Variants in ST6GAL2 observed in about 807,000 individuals in gnomAD.
ST6GAL2 encodes the protein ST6 beta-galactoside alpha-2,6-sialyltransferase 2.
A neutral mutation model predicts 37.5 loss-of-function variants in ST6GAL2; 24 were observed. The ratio of observed to expected loss-of-function variants is 0.64; its 90% CI spans 0.46 to 0.90. ST6GAL2 has a LOEUF of 0.90. Ranked by LOEUF, ST6GAL2 falls within the 40% of genes least tolerant of loss-of-function variation. The probability of loss-of-function intolerance (pLI) is 0.00; values close to 1 mark genes in which losing one functional copy is unlikely to be tolerated. For missense variants in ST6GAL2, 715 were observed against 712.7 expected (o/e 1.00, Z -0.04); for synonymous variants, 306 against 295.1 (o/e 1.04, Z -0.38).
intron 5 of ST6GAL2, among the ~76,000 whole-genome samples, chr2:106,814,838 A>G (rs565838810): frequency 3.1e-4 from 47 of 152,344 alleles, no homozygotes; most frequent in Admixed American, 2.8e-3. Flanking sequence ...CACAGTCAAA[A>G]TGACTTCATT....
chr2:106,843,109 G>C lies in ST6GAL2; in HGVS notation c.869C>G (p.Pro290Arg), dbSNP rs755206333. 2 of 1,558,324 alleles carry C rather than the reference G, an allele frequency of 1.3e-6. No homozygotes were observed. The highest frequency in any genetic ancestry group is 1.7e-6 in the Non-Finnish European group (2 of 1,157,644). ...GACAGCGCAGCTGCGCAGGCCGCGGGGGTGCAGCTGGCTCAGGGGCACGGC... is the reference window on the plus strand; with the variant it reads ...GACAGCGCAGCTGCGCAGGCCGCGGCGGTGCAGCTGGCTCAGGGGCACGGC... ...VPAVPLSQLH[P>R]RGLRSCAVVM... Residue 290 changes from proline (P) to arginine (R), a missense_variant, in exon 2 of 6, where the codon CCC (proline) becomes CGC (arginine). By Grantham distance (103) the Pro-to-Arg change is moderately radical (BLOSUM62 -2). Around this residue, in one of 3 missense-constraint regions of ST6GAL2, gnomAD observed 512 missense variants for 488.8 expected, o/e 1.05. Transcript: ENST00000409382.
At chr2:106,841,278 G>C (rs1368242886) in intron 2 of ST6GAL2, 2 of 152,174 alleles carry the variant, frequency 1.3e-5, no homozygotes, top group Non-Finnish European at 2.9e-5. Context: ...ACTCTTCAAG[G>C]ACACAGAACA....
chr2:106,881,471 T>C (rs938039886), intron 1 of ST6GAL2, among the ~76,000 whole-genome samples: 5 of 152,220 alleles, frequency 3.3e-5, no homozygotes, highest in Non-Finnish European at 7.3e-5. Flanking sequence ...TTCTACCCAT[T>C]TGAGGTCAGT....
intron 1 of ST6GAL2, among the ~76,000 whole-genome samples, chr2:106,854,848 T>C (rs1430871380): frequency 6.6e-6 from 1 of 152,012 alleles, no homozygotes; most frequent in African/African-American, 2.4e-5. Context: ...TATTCTCTCA[T>C]GTTTTCATGT....
chr2:106,813,028 G>A (rs1675666484), intron 5 of ST6GAL2: 2 of 1,224,076 alleles, frequency 1.6e-6, no homozygotes, highest in Non-Finnish European at 2.0e-6. Context: ...ACGTTTTAAT[G>A]TATTTTTTCA....
chr2:106,881,030 G>C, intron 1 of ST6GAL2, among the ~76,000 whole-genome samples: 1 of 149,726 alleles, frequency 6.7e-6, no homozygotes, highest in East Asian at 1.9e-4. Flanking sequence ...CTGTCACCCA[G>C]GCTGGAGTGC....
intron 5 of ST6GAL2, among the ~76,000 whole-genome samples, chr2:106,827,283 T>C (rs930850132): frequency 1.3e-5 from 2 of 152,128 alleles, no homozygotes; most frequent in African/African-American, 4.8e-5. Context: ...TTTAAGGATG[T>C]TGGATAAGTT....
intron 5 of ST6GAL2, among the ~76,000 whole-genome samples, chr2:106,813,938 T>C (rs1675703961): frequency 1.3e-5 from 2 of 152,188 alleles, no homozygotes; most frequent in Non-Finnish European, 2.9e-5. Context: ...TGTTTTGTGG[T>C]TTCTCCTTAA....
intron 1 of ST6GAL2, among the ~76,000 whole-genome samples, chr2:106,864,147 C>T (rs1677925302): frequency 6.6e-6 from 1 of 152,196 alleles, no homozygotes; most frequent in African/African-American, 2.4e-5. Flanking sequence ...GCTGGAATCT[C>T]CAAACTACCC....
chr2:106,823,344 C>G (rs1676076253), intron 5 of ST6GAL2, among the ~76,000 whole-genome samples: 1 of 151,688 alleles, frequency 6.6e-6, no homozygotes, highest in Non-Finnish European at 1.5e-5. Flanking sequence ...ATCTCCAGGC[C>G]TACTAACCAA....
At chr2:106,837,714 C>T (rs1183201717) in intron 2 of ST6GAL2, among the ~76,000 whole-genome samples, 3 of 152,182 alleles carry the variant, frequency 2.0e-5, no homozygotes, top group Non-Finnish European at 4.4e-5. Context: ...GGGCCTCAAG[C>T]GGTGGGTGCA....
intron 1 of ST6GAL2, among the ~76,000 whole-genome samples, chr2:106,865,316 A>C (rs1260095624): frequency 6.6e-6 from 1 of 152,232 alleles, no homozygotes; most frequent in African/African-American, 2.4e-5. Context: ...CAGGCATTTC[A>C]GCCTACCTAG....
chr2:106,831,133 G>C (rs1355824228), intron 4 of ST6GAL2, among the ~76,000 whole-genome samples: 1 of 152,148 alleles, frequency 6.6e-6, no homozygotes, highest in Non-Finnish European at 1.5e-5. Flanking sequence ...TAGTGAAATG[G>C]CACTGTCACT....
At chr2:106,846,761 C>T (rs1429979904) in intron 1 of ST6GAL2, among the ~76,000 whole-genome samples, 2 of 152,176 alleles carry the variant, frequency 1.3e-5, no homozygotes, top group Non-Finnish European at 2.9e-5. Context: ...CAAGCCGGAA[C>T]CACGGATGCC....
chr2:106,845,669 G>A (rs72828122), intron 1 of ST6GAL2, among the ~76,000 whole-genome samples: 2,117 of 152,252 alleles, frequency 0.014, 24 homozygotes, highest in Non-Finnish European at 0.023. Flanking sequence ...ATACAATGTC[G>A]CTGGTGGGAA....
chr2:106,844,147 G>C (rs575914063), intron 1 of ST6GAL2, 113 bp from the exon 2 acceptor site: 4 of 541,028 alleles, frequency 7.4e-6, no homozygotes, highest in Non-Finnish European at 1.3e-5. Context: ...GTTGTAGAAG[G>C]GGCACTAGAA....
chr2:106,868,414 G>A (rs1436369128), intron 1 of ST6GAL2, among the ~76,000 whole-genome samples: 3 of 152,284 alleles, frequency 2.0e-5, no homozygotes, highest in African/African-American at 4.8e-5. Flanking sequence ...GTGCATTCAT[G>A]CACCGCGCAT....
At chr2:106,874,484 G>A (rs1329535637) in intron 1 of ST6GAL2, among the ~76,000 whole-genome samples, 1 of 152,236 alleles carries the variant, frequency 6.6e-6, no homozygotes, top group East Asian at 1.9e-4. Flanking sequence ...TGCAATGGAC[G>A]ACGACTGGGG....
chr2:106,822,854 T>C (rs1282256933), intron 5 of ST6GAL2: 5 of 152,298 alleles, frequency 3.3e-5, no homozygotes, highest in South Asian at 2.1e-4. Flanking sequence ...TGAAGTAAGC[T>C]TGTAATGAAA....
Sources: allele counts gnomAD v4.1 joint callset (sites outside exome capture counted in the v4.1 genomes callset), GRCh38; gene constraint gnomAD v4.1.1; regional missense constraint gnomAD v4.1.1; transcripts MANE v1.5; gene names NCBI Gene and HGNC (gene_info 2026-07-23, HGNC 2026-07-21).